DPF3: variants seen among roughly 807,000 people sequenced by gnomAD.
DPF3 encodes the protein zinc finger protein DPF3.
In DPF3, 18 loss-of-function variants were observed where a neutral mutation model predicts 56.8. The ratio of observed to expected loss-of-function variants is 0.32; its 90% CI spans 0.22 to 0.47. DPF3 has a LOEUF of 0.47. Among genes scored for constraint, DPF3 ranks in the 20% least tolerant of loss-of-function variants. DPF3 has a pLI of 1.00. For missense variants in DPF3, 403 were observed against 488.8 expected, an observed-to-expected ratio of 0.82 and a Z score of 1.65; for synonymous variants, 188 against 180.2, an observed-to-expected ratio of 1.04 and a Z score of -0.35.
intron 8 of DPF3, among the ~76,000 whole-genome samples, chr14:72,664,237 C>G (rs1024491853): frequency 1.3e-5 from 2 of 152,186 alleles, no homozygotes; most frequent in Non-Finnish European, 2.9e-5. Flanking sequence ...AGTGCCCTGA[C>G]CCCTCTGGTC....
intron 1 of DPF3, among the ~76,000 whole-genome samples, chr14:72,800,079 T>C (rs1392616251): frequency 1.3e-5 from 2 of 152,172 alleles, no homozygotes; most frequent in Admixed American, 6.5e-5. Flanking sequence ...CATCCCACCA[T>C]TTGATGTTAC....
At chr14:72,717,936 G>C (rs946727338) in intron 5 of DPF3, among the ~76,000 whole-genome samples, 4 of 152,224 alleles carry the variant, frequency 2.6e-5, no homozygotes, top group Admixed American at 6.5e-5. Flanking sequence ...ACATGGCCCT[G>C]TCCCACTGGC....
rs1354740742 is a variant in DPF3 at position 72,682,152 on chromosome 14, T to A, written c.743-7784A>T. ...TCACTTGAACCTGGGAGGCAGAGGTTGCAGTGAGCCAAGATTGTGCCACTG... is the reference window on the plus strand; with the variant it reads ...TCACTTGAACCTGGGAGGCAGAGGTAGCAGTGAGCCAAGATTGTGCCACTG... On this transcript the variant is annotated intron_variant, in intron 7 of 10. Transcript: ENST00000556509. Among the ~76,000 whole-genome samples the A allele has an allele frequency of 2.7e-5, 4 of 148,456 alleles. No individual in the cohort carries two copies. The South Asian group carries it at 8.5e-4, about 31-fold the overall frequency.
In DPF3 at chr14:72,809,592, A is replaced by G. The variant is rs1307036553; in HGVS notation, c.33-37699T>C. On this transcript the variant is annotated intron_variant, in intron 1 of 10. Coordinates refer to ENST00000556509, the MANE Select transcript of DPF3 (RefSeq NM_001280542.3). ...CCTGCCCTTCCTTTCAGAACCCTGC[A>G]TGTGGCTGATGGCAGGTCCTCGGCG... 2.0e-5 allele frequency among the ~76,000 whole-genome samples: 3 copies of G among 152,222 alleles called. No individual in the cohort carries two copies. The East Asian group carries it at 5.8e-4, about 29-fold the overall frequency.
chr14:72,619,289 C>G lies in DPF3; in HGVS notation c.*8G>C. On this transcript the variant is annotated 3_prime_UTR_variant, in exon 11 of 11. Coordinates refer to ENST00000556509, the MANE Select transcript of DPF3 (RefSeq NM_001280542.3). ...CCAGCAGCGAGTCACATTCTGTGAC[C>G]TGGGGCCCTAGGCCTGGCAGCCAAA... 1.3e-6 allele frequency: 2 copies of G among 1,535,968 alleles called. No individual in the cohort carries two copies. The highest frequency in any genetic ancestry group is 1.7e-6 in the Non-Finnish European group (2 of 1,146,828).
chr14:72,627,273 C>T (rs939677266), intron 9 of DPF3, among the ~76,000 whole-genome samples: 13 of 151,994 alleles, frequency 8.6e-5, no homozygotes, highest in African/African-American at 2.2e-4. Flanking sequence ...CTAGTACTAG[C>T]GTGGTTTTAC....
chr14:72,629,576 C>A, intron 9 of DPF3, 48 bp downstream of exon 9: 1 of 1,496,816 alleles, frequency 6.7e-7, no homozygotes. Context: ...CTCAAAGGAC[C>A]CCAGCTCTGT....
intron 1 of DPF3, among the ~76,000 whole-genome samples, chr14:72,877,123 C>T (rs1311242308): frequency 2.6e-5 from 4 of 152,206 alleles, no homozygotes; most frequent in Non-Finnish European, 1.5e-5. Flanking sequence ...GCTGGAGGTG[C>T]AAACTCAGGG....
Position 72,609,408 on chromosome 14 carries a change from C to T in DPF3, c.*9889G>A, listed in dbSNP as rs995872467. Among the ~76,000 whole-genome samples the T allele has an allele frequency of 2.0e-5, 3 of 152,210 alleles. No individual in the cohort carries two copies. The highest frequency in any genetic ancestry group is 7.2e-5 in the African/African-American group (3 of 41,454). The stretch of plus-strand genomic sequence containing the variant: ...ACATCAGGTGTGGGCTGCTTCCAAT[C>T]TGTAGGTTCTCCTGGAGATTGTCAC... On this transcript the variant is annotated 3_prime_UTR_variant, in exon 11 of 11. Coordinates refer to ENST00000556509, the MANE Select transcript of DPF3 (RefSeq NM_001280542.3).
intron 1 of DPF3, among the ~76,000 whole-genome samples, chr14:72,800,377 AATGGATGG>A (rs71109749): frequency 1.1e-4 from 2 of 18,050 alleles, no homozygotes; most frequent in Non-Finnish European, 1.2e-3. Flanking sequence ...TAAATAGATA[AATGGATGG>A]ATGGATGGAT....
chr14:72,655,952 G>T (rs1886050476), intron 8 of DPF3, among the ~76,000 whole-genome samples: 1 of 152,156 alleles, frequency 6.6e-6, no homozygotes, highest in South Asian at 2.1e-4. Context: ...TTCCGCATCA[G>T]CCTCGACAGT....
At chr14:72,892,387 T>A in intron 1 of DPF3, 1 of 1,513,752 alleles carries the variant, frequency 6.6e-7, no homozygotes, top group Non-Finnish European at 8.8e-7. Flanking sequence ...GCGCAGTGTA[T>A]CCGAGCTTCC....
chr14:72,733,406 T>G (rs1349964366), intron 3 of DPF3, among the ~76,000 whole-genome samples: 1 of 151,980 alleles, frequency 6.6e-6, no homozygotes, highest in African/African-American at 2.4e-5. Context: ...CAGGTGGGTT[T>G]TGGGCAGGGG....
intron 7 of DPF3, among the ~76,000 whole-genome samples, chr14:72,683,129 C>T (rs1046771752): frequency 9.9e-5 from 15 of 152,012 alleles, no homozygotes; most frequent in African/African-American, 3.1e-4. Context: ...GAGTTCGAGA[C>T]CAGCCTGGCT....
intron 6 of DPF3, among the ~76,000 whole-genome samples, chr14:72,710,632 C>T (rs1888612078): frequency 6.6e-6 from 1 of 152,214 alleles, no homozygotes; most frequent in Non-Finnish European, 1.5e-5. Context: ...TGATGTGGAG[C>T]CCAGGAGTCT....
At chr14:72,846,374 C>T (rs75133252) in intron 1 of DPF3, among the ~76,000 whole-genome samples, 6 of 128,878 alleles carry the variant, frequency 4.7e-5, no homozygotes, top group African/African-American at 1.7e-4. Context: ...CTCACTCTGT[C>T]GCCCAGGCTG....
At chr14:72,874,614 A>G (rs769581512) in intron 1 of DPF3, among the ~76,000 whole-genome samples, 1 of 152,230 alleles carries the variant, frequency 6.6e-6, no homozygotes, top group Non-Finnish European at 1.5e-5. Context: ...CTTCGCTAAA[A>G]CATAACAAGA....
At chr14:72,838,593 A>T (rs111549487) in intron 1 of DPF3, among the ~76,000 whole-genome samples, 13 of 151,872 alleles carry the variant, frequency 8.6e-5, no homozygotes, top group African/African-American at 3.1e-4. Flanking sequence ...ACAGTAACTC[A>T]CGCCTGTAAT....
At position 72,643,091 on chromosome 14, in the gene DPF3, C is replaced by A. The variant is rs555779598; in HGVS notation, c.872-13355G>T. Among the ~76,000 whole-genome samples the A allele has an allele frequency of 2.0e-5, 3 of 152,344 alleles. No homozygotes were observed. In the South Asian group the frequency reaches 6.2e-4, roughly 32 times the overall value. ...AGTAGTGGAGCCAGGGCTAGTGGAA[C>A]ATCCATGTCTTCACATTCTAATCCT... On this transcript the variant is annotated intron_variant, in intron 8 of 10. Coordinates refer to ENST00000556509, the MANE Select transcript of DPF3 (RefSeq NM_001280542.3).
Sources: gnomAD v4.1 joint callset for allele counts (sites outside exome capture counted in the v4.1 genomes callset) on GRCh38, gnomAD v4.1.1 for gene constraint, MANE v1.5 for transcripts, NCBI Gene and HGNC (gene_info 2026-07-23, HGNC 2026-07-21) for gene names.